TAOK3: variants seen among roughly 807,000 people sequenced by gnomAD.
The protein encoded by TAOK3 is serine/threonine-protein kinase TAO3.
TAOK3 carries 40 observed loss-of-function variants against 120.4 expected under a neutral mutation model. The ratio of observed to expected loss-of-function variants is 0.33; its 90% CI spans 0.26 to 0.43. TAOK3 has a LOEUF of 0.43. Among genes scored for constraint, TAOK3 ranks in the 20% least tolerant of loss-of-function variants. The pLI, the probability that TAOK3 is intolerant of heterozygous loss-of-function variation, is 1.00. For missense variants in TAOK3, 821 were observed against 1,112.1 expected, an observed-to-expected ratio of 0.74 and a Z score of 3.72; for synonymous variants, 355 against 387.5, an observed-to-expected ratio of 0.92 and a Z score of 0.99.
At chr12:118,354,811 G>C (rs1272855445) in intron 1 of TAOK3, among the ~76,000 whole-genome samples, 1 of 152,070 alleles carries the variant, frequency 6.6e-6, no homozygotes, top group Non-Finnish European at 1.5e-5. Flanking sequence ...ATGATTGTGA[G>C]GCCTCCCAAG....
chr12:118,258,262 A>C (rs2041074250), intron 2 of TAOK3, among the ~76,000 whole-genome samples: 1 of 152,136 alleles, frequency 6.6e-6, no homozygotes, highest in African/African-American at 2.4e-5. Context: ...TATGGGAAAA[A>C]GGATCCCTCC....
At chr12:118,239,386 C>A in intron 5 of TAOK3, 114 bp from the exon 6 acceptor site, 2 of 612,320 alleles carry the variant, frequency 3.3e-6, no homozygotes, top group Admixed American at 3.4e-5. Flanking sequence ...ATATTCTGAT[C>A]TACCCGAACT....
In TAOK3 at chr12:118,205,366, CA is replaced by C. The variant is rs1207495126; in HGVS notation, c.820-3904del. Among the ~76,000 whole-genome samples, 275 of 127,846 alleles carry C rather than the reference CA, an allele frequency of 2.2e-3. 1 individual carries two copies. Among genetic ancestry groups the C allele is most frequent in the Middle Eastern group, 0.012 (3 of 248 alleles). 83.9% of individuals were successfully genotyped at this position (127,846 alleles called of 152,430 possible). ...TGGGTGACATAGAAAGACTCTGTCTCAAAAAAAAAAAAAGAAAGAAAATTTT... is the reference window on the plus strand; with the variant it reads ...TGGGTGACATAGAAAGACTCTGTCTCAAAAAAAAAAAAGAAAGAAAATTTT... On this transcript the variant is annotated intron_variant, in intron 11 of 20. Transcript: ENST00000392533.
intron 1 of TAOK3, among the ~76,000 whole-genome samples, chr12:118,354,224 A>G (rs58958883): frequency 0.015 from 2,212 of 152,262 alleles, 59 homozygotes; most frequent in African/African-American, 0.051. Flanking sequence ...TTAATTTATA[A>G]ATTAGCCACA....
At chr12:118,219,218 C>T (rs1331865494) in intron 9 of TAOK3, among the ~76,000 whole-genome samples, 1 of 151,980 alleles carries the variant, frequency 6.6e-6, no homozygotes, top group Non-Finnish European at 1.5e-5. Flanking sequence ...ACACCCCTCT[C>T]CCTTTTGCTC....
chr12:118,246,691 G>A, intron 3 of TAOK3: 3 of 1,582,288 alleles, frequency 1.9e-6, no homozygotes, highest in South Asian at 1.1e-5. Flanking sequence ...AGGGGCACTG[G>A]CATCGTCTCC....
intron 1 of TAOK3, among the ~76,000 whole-genome samples, chr12:118,303,622 A>G (rs1038183252): frequency 5.3e-5 from 8 of 152,112 alleles, no homozygotes; most frequent in African/African-American, 1.9e-4. Flanking sequence ...ACTGCATATT[A>G]CTTTTTAATT....
intron 9 of TAOK3, among the ~76,000 whole-genome samples, chr12:118,227,857 C>G (rs2039581098): frequency 6.6e-6 from 1 of 152,156 alleles, no homozygotes; most frequent in Non-Finnish European, 1.5e-5. Context: ...CTCCATACTG[C>G]TAACTCTATG....
chr12:118,237,004 T>C (rs1268276954), intron 7 of TAOK3, among the ~76,000 whole-genome samples: 2 of 152,172 alleles, frequency 1.3e-5, no homozygotes, highest in South Asian at 4.1e-4. Flanking sequence ...ACAAGCAAGT[T>C]GGCAGTAGTA....
intron 3 of TAOK3, among the ~76,000 whole-genome samples, chr12:118,251,780 T>C (rs528697580): frequency 5.3e-5 from 8 of 152,158 alleles, no homozygotes; most frequent in Non-Finnish European, 1.0e-4. Context: ...GCTTGGTTTA[T>C]TGTAGTCATT....
At chr12:118,329,181 A>G (rs970960870) in intron 1 of TAOK3, among the ~76,000 whole-genome samples, 1 of 152,200 alleles carries the variant, frequency 6.6e-6, no homozygotes, top group Non-Finnish European at 1.5e-5. Flanking sequence ...AATAAACACA[A>G]CTGACAGACT....
Position 118,343,391 on chromosome 12 carries a change from C to A in TAOK3, c.-194+29257G>T, listed in dbSNP as rs573270569. Among the ~76,000 whole-genome samples, 12 of 148,840 alleles carry A rather than the reference C, an allele frequency of 8.1e-5. No individual in the cohort carries two copies. In the East Asian group the frequency reaches 2.4e-3, roughly 30 times the overall value. On this transcript the variant is annotated intron_variant, in intron 1 of 20. Transcript: ENST00000392533. ...ACAGTGAGCTCAGATTGTGCCATTG[C>A]ACTCCAGCCTAGGCGACAGAGTGAG...
At chr12:118,248,783 T>C (rs2040625361) in intron 3 of TAOK3, among the ~76,000 whole-genome samples, 1 of 152,158 alleles carries the variant, frequency 6.6e-6, no homozygotes, top group Non-Finnish European at 1.5e-5. Flanking sequence ...CTTACATTTA[T>C]AGGATAATCA....
rs116112160 is a variant in TAOK3, at chr12:118,306,420, C to T, written c.-193-39661G>A. Among the ~76,000 whole-genome samples the T allele has an allele frequency of 8.5e-3, 1,295 of 152,188 alleles. 10 individuals are homozygous for T. The highest frequency in any genetic ancestry group is 0.029 in the African/African-American group (1,191 of 41,518). On this transcript the variant is annotated intron_variant, in intron 1 of 20. Transcript: ENST00000392533. ...GTCGAACTCCTGGGCTCAAGTGATC[C>T]TCCTGTCTTGGCCTCCCAAAATACT...
chr12:118,273,926 A>T (rs2140342876), intron 1 of TAOK3, among the ~76,000 whole-genome samples: 1 of 152,280 alleles, frequency 6.6e-6, no homozygotes, highest in South Asian at 2.1e-4. Context: ...AAAATTCCTA[A>T]TATTTCATTC....
intron 1 of TAOK3, among the ~76,000 whole-genome samples, chr12:118,362,790 G>A (rs2045637220): frequency 6.6e-6 from 1 of 152,140 alleles, no homozygotes; most frequent in African/African-American, 2.4e-5. Flanking sequence ...GGCCAAGGTA[G>A]ATGGATCGCC....
At chr12:118,180,354 C>T (rs1345846668) in intron 15 of TAOK3, among the ~76,000 whole-genome samples, 18 of 152,028 alleles carry the variant, frequency 1.2e-4, no homozygotes, top group Non-Finnish European at 1.2e-4. Flanking sequence ...AATCTTCCTG[C>T]CTCAGCCTCC....
chr12:118,216,026 T>C (rs750100383), intron 9 of TAOK3, among the ~76,000 whole-genome samples: 17 of 151,222 alleles, frequency 1.1e-4, no homozygotes, highest in Non-Finnish European at 1.9e-4. Flanking sequence ...ATGGTGAAAA[T>C]TGTCTCTACT....
intron 16 of TAOK3, among the ~76,000 whole-genome samples, chr12:118,173,111 A>C (rs567506626): frequency 1.8e-3 from 274 of 152,330 alleles, no homozygotes; most frequent in African/African-American, 6.1e-3. Flanking sequence ...TTTAATAGAA[A>C]ATATTTAATC....
Sources: allele counts gnomAD v4.1 joint callset (sites outside exome capture counted in the v4.1 genomes callset), GRCh38; gene constraint gnomAD v4.1.1; transcripts MANE v1.5; gene names NCBI Gene and HGNC (gene_info 2026-07-23, HGNC 2026-07-21).